The following TREML2 variants were observed in gnomAD, a reference collection of about 807,000 sequenced individuals.
TREML2 encodes the protein triggering receptor expressed on myeloid cells like 2, also known as trem-like transcript 2 protein.
In TREML2, 24 loss-of-function variants were observed where a neutral mutation model predicts 25.9. The observed-to-expected ratio is 0.93, with a 90% CI of 0.67 to 1.30. The LOEUF (loss-of-function observed/expected upper bound fraction) is 1.30, where lower values mean the gene tolerates loss of function less well. TREML2 is among the 50% of genes most tolerant of loss of function. The probability of loss-of-function intolerance (pLI) is 0.00; values close to 1 mark genes in which losing one functional copy is unlikely to be tolerated. For synonymous variants in TREML2, 139 were observed against 155.2 expected, an observed-to-expected ratio of 0.90 and a Z score of 0.77; for missense variants, 359 against 395.6, an observed-to-expected ratio of 0.91 and a Z score of 0.78.
intron 1 of TREML2, among the ~76,000 whole-genome samples, chr6:41,199,359 C>A (rs11759347): frequency 0.21 from 31,849 of 152,182 alleles, 3,592 homozygotes; most frequent in Middle Eastern, 0.32. Context: ...AATAATAACT[C>A]TCCTTAGTTC....
chr6:41,198,486 A>G, intron 1 of TREML2, 57 bp from the exon 2 acceptor site: 1 of 1,512,510 alleles, frequency 6.6e-7, no homozygotes. Flanking sequence ...AGAAGACATC[A>G]TGAAAGTTGA....
intron 4 of TREML2, 53 bp from the exon 5 acceptor site, chr6:41,192,559 C>T (rs1393790566): frequency 4.6e-6 from 7 of 1,532,336 alleles, no homozygotes; most frequent in South Asian, 4.6e-5. Flanking sequence ...CACGGTGCCC[C>T]GATGCTCCTC....
intron 1 of TREML2, among the ~76,000 whole-genome samples, chr6:41,199,592 G>A (rs1323911461): frequency 6.6e-6 from 1 of 152,202 alleles, no homozygotes; most frequent in African/African-American, 2.4e-5. Context: ...GAACTGGGGT[G>A]TGCAGGGTGA....
rs182617084 is a variant in TREML2 at position 41,194,820 on chromosome 6, C to T, written c.390G>A (p.Glu130=). The T allele has an allele frequency of 6.4e-7, 1 of 1,567,502 alleles. No individual in the cohort carries two copies. Among genetic ancestry groups the T allele is most frequent in the Admixed American group, 1.8e-5 (1 of 55,050 alleles). The change falls in exon 3 of 5, where the codon GAG becomes GAA. Residue 130 remains glutamate (E), a synonymous_variant. Coordinates refer to ENST00000483722, the MANE Select transcript of TREML2 (RefSeq NM_024807.4). The stretch of plus-strand genomic sequence containing the variant: ...CCAGATGTGTGAAAGGAATGTTCCT[C>T]TCAGTTTGGGGAGCTGAAAGACAGA... ...QLDVSPAPQT[E]RNIPFTHLDN...
chr6:41,192,250 C>T lies in TREML2; in HGVS notation c.*177G>A, dbSNP rs1177903655. ...CCCAGGTTCCTGCCCCCAAGGAGAACACTGGGCTGTGGGGCTGCTTAGGAT... is the reference window on the plus strand; with the variant it reads ...CCCAGGTTCCTGCCCCCAAGGAGAATACTGGGCTGTGGGGCTGCTTAGGAT... On this transcript the variant is annotated 3_prime_UTR_variant, in exon 5 of 5. Transcript: ENST00000483722. 3 of 616,144 alleles carry T rather than the reference C, an allele frequency of 4.9e-6. No homozygotes were observed. Among genetic ancestry groups the T allele is most frequent in the African/African-American group, 3.7e-5 (2 of 54,526 alleles). 38.2% of individuals were successfully genotyped at this position (616,144 alleles called of 1,614,324 possible).
intron 3 of TREML2, 91 bp from the exon 4 acceptor site, chr6:41,192,992 G>C: frequency 9.4e-7 from 1 of 1,067,264 alleles, no homozygotes; most frequent in Middle Eastern, 2.7e-4. Context: ...GAAACCCTGA[G>C]AGCGTGCCCT....
rs1435348555 is a variant in TREML2, at chr6:41,190,593, C to CAGGAAAAA, written c.*1833_*1834insTTTTTCCT. 6.6e-6 allele frequency: 1 copy of CAGGAAAAA among 152,226 alleles called. No homozygotes were observed. Among genetic ancestry groups the CAGGAAAAA allele is most frequent in the East Asian group, 1.9e-4 (1 of 5,200 alleles). 9.4% of individuals were successfully genotyped at this position (152,226 alleles called of 1,614,324 possible). On this transcript the variant is annotated 3_prime_UTR_variant, in exon 5 of 5. Coordinates refer to ENST00000483722, the MANE Select transcript of TREML2 (RefSeq NM_024807.4). Reference sequence around the variant, plus strand: ...GAAAAATGAGGCCAAGGGTTAGTGACTTGCTGAGGGTCACACAGTGACAGA... The same window carrying CAGGAAAAA: ...GAAAAATGAGGCCAAGGGTTAGTGACAGGAAAAATTGCTGAGGGTCACACAGTGACAGA...
chr6:41,194,783 T>C lies in TREML2; in HGVS notation c.427A>G (p.Lys143Glu), dbSNP rs896774295. The C allele has an allele frequency of 6.2e-7, 1 of 1,605,822 alleles. No homozygotes were observed. The highest frequency in any genetic ancestry group is 1.3e-5 in the African/African-American group (1 of 74,808). Residue 143 changes from lysine (K) to glutamate (E), a missense_variant, in exon 3 of 5, where the codon AAG (lysine) becomes GAG (glutamate). Physicochemically the swap from Lys to Glu is moderately conservative, Grantham distance 56. Transcript: ENST00000483722. ...TGGCCAGTTGTGACAGTTCCACTCT[T>C]GAGGATGTTGTCCAGATGTGTGAAA... ...IPFTHLDNIL[K>E]SGTVTTGQAP...
In TREML2 at chr6:41,194,646, T is replaced by C. The variant is rs1766126352; in HGVS notation, c.564A>G (p.Thr188=). The C allele has an allele frequency of 1.9e-6, 3 of 1,613,826 alleles. No homozygotes were observed. Among genetic ancestry groups the C allele is most frequent in the Non-Finnish European group, 2.5e-6 (3 of 1,179,960 alleles). ...TGCTGGTAGCAGTGAAGCTGTAGCC[T>C]GTCTTGGAGGCAGGTCTGGTGGAGG... ...LLASTRPASK[T]GYSFTATSTT... The change falls in exon 3 of 5, where the codon ACA becomes ACG. Residue 188 remains threonine (T), a synonymous_variant. Coordinates refer to ENST00000483722, the MANE Select transcript of TREML2 (RefSeq NM_024807.4).
In TREML2 at chr6:41,201,054, G is replaced by A. The variant is rs1199577087; in HGVS notation, c.-46C>T. The A allele has an allele frequency of 1.9e-6, 3 of 1,608,084 alleles. No homozygotes were observed. Among genetic ancestry groups the A allele is most frequent in the Non-Finnish European group, 2.6e-6 (3 of 1,175,362 alleles). ...TGTCAGGCCTGGAGATCCAAGGTGA[G>A]GGCCCACCCGACACAGGATGTGCCA... On this transcript the variant is annotated 5_prime_UTR_variant, in exon 1 of 5. Transcript: ENST00000483722.
At chr6:41,194,394 G>T in intron 3 of TREML2, 31 bp downstream of exon 3, 1 of 1,512,576 alleles carries the variant, frequency 6.6e-7, no homozygotes, top group South Asian at 1.3e-5. Flanking sequence ...ACTAAGTGCT[G>T]GTGCCACTCA....
chr6:41,192,924 A>T, intron 3 of TREML2, 23 bp from the exon 4 acceptor site: 1 of 1,531,198 alleles, frequency 6.5e-7, no homozygotes, highest in Non-Finnish European at 8.8e-7. Context: ...GACAGGGTGG[A>T]AGCGGGTGAG....
chr6:41,192,653 G>C, intron 4 of TREML2, 147 bp from the exon 5 acceptor site: 1 of 1,123,046 alleles, frequency 8.9e-7, no homozygotes, highest in Non-Finnish European at 1.3e-6. Flanking sequence ...TCTCCGCCTG[G>C]CCGCCCTCCT....
chr6:41,192,198 C>T lies in TREML2; in HGVS notation c.*229G>A. 1.8e-6 allele frequency: 1 copy of T among 548,598 alleles called. No individual in the cohort carries two copies. Among genetic ancestry groups the T allele is most frequent in the Non-Finnish European group, 3.3e-6 (1 of 303,464 alleles). The allele number at this position is 548,598 out of a possible 1,614,324, so 34.0% of individuals were successfully genotyped here. A position where few individuals can be genotyped will look rare whatever the true frequency, so the allele number is the denominator to read the frequency against. ...GGTCACATTTCCTCGGGACTTTCTC[C>T]CTGATGCCCTTTGCTCTGGGCCCCT... On this transcript the variant is annotated 3_prime_UTR_variant, in exon 5 of 5. Transcript: ENST00000483722.
At chr6:41,195,322 G>A (rs1188339720) in intron 2 of TREML2, among the ~76,000 whole-genome samples, 1 of 152,178 alleles carries the variant, frequency 6.6e-6, no homozygotes, top group East Asian at 1.9e-4. Flanking sequence ...CTCACTAAGA[G>A]ATATCAAACT....
chr6:41,192,441 C>T lies in TREML2; in HGVS notation c.952G>A (p.Val318Ile). 2.5e-6 allele frequency: 4 copies of T among 1,613,974 alleles called. No homozygotes were observed. The highest frequency in any genetic ancestry group is 3.4e-6 in the Non-Finnish European group (4 of 1,179,916). The change falls in exon 5 of 5, where the codon GTC becomes ATC. Residue 318 changes from valine (V) to isoleucine (I), a missense_variant. Val to Ile is a conservative substitution (Grantham distance 29, BLOSUM62 3). Transcript: ENST00000483722. ...PPGRPEPYVEVYLI is the reference protein window; with the variant it reads ...PPGRPEPYVEIYLI ...CTTAAGTGGCCTCAGATCAAGTAGA[C>T]TTCCACATAGGGCTCTGGTCTTCCA... is the stretch of plus-strand genomic sequence containing the variant.
At chr6:41,199,353 A>G (rs956074455) in intron 1 of TREML2, among the ~76,000 whole-genome samples, 7 of 152,252 alleles carry the variant, frequency 4.6e-5, no homozygotes, top group African/African-American at 1.2e-4. Context: ...TCTTTAAATA[A>G]TAACTCTCCT....
chr6:41,192,580 A>C (rs1240756756), intron 4 of TREML2, 74 bp from the exon 5 acceptor site: 4 of 1,454,186 alleles, frequency 2.8e-6, no homozygotes, highest in Non-Finnish European at 3.8e-6. Context: ...CACCAGCCCC[A>C]GCCCCTTTCT....
rs773323712 is a variant in TREML2, at chr6:41,192,898, G to C, written c.789C>G (p.His263Gln). ...NRLPSMPSIRHQDVYSTVLGV... is the reference protein window; with the variant it reads ...NRLPSMPSIRQQDVYSTVLGV... ...CAAGCACAGTGGAGTAAACATCCTG[G>C]TGCCTGAGAAGAAGGGACAGGGTGG... The change falls in exon 4 of 5, where the codon CAC (histidine) becomes CAG (glutamine). Residue 263 changes from histidine to glutamine, a missense_variant. Coordinates refer to ENST00000483722, the MANE Select transcript of TREML2 (RefSeq NM_024807.4). 41 of 1,567,394 alleles carry C rather than the reference G, an allele frequency of 2.6e-5. No individual in the cohort carries two copies. The highest frequency in any genetic ancestry group is 1.4e-5 in the Non-Finnish European group (16 of 1,159,274).
Sources: allele counts gnomAD v4.1 joint callset (sites outside exome capture counted in the v4.1 genomes callset), GRCh38; gene constraint gnomAD v4.1.1; transcripts MANE v1.5; gene names NCBI Gene and HGNC (gene_info 2026-07-23, HGNC 2026-07-21).